Variants in MGAT5 observed in about 807,000 individuals in gnomAD.
The protein encoded by MGAT5 is alpha-1,6-mannosylglycoprotein 6-beta-N-acetylglucosaminyltransferase A.
A neutral mutation model predicts 94.3 loss-of-function variants in MGAT5; 30 were observed. That is an observed-to-expected ratio of 0.32 (90% CI 0.24 to 0.43). The LOEUF (loss-of-function observed/expected upper bound fraction) is 0.43, where lower values mean the gene tolerates loss of function less well. Among genes scored for constraint, MGAT5 ranks in the 20% least tolerant of loss-of-function variants. The pLI is 1.00. For missense variants in MGAT5, 691 were observed against 905.5 expected (o/e 0.76, Z 3.04); for synonymous variants, 310 against 322.9 (o/e 0.96, Z 0.43).
At chr2:134,161,531 G>A (rs79047449) in intron 1 of MGAT5, among the ~76,000 whole-genome samples, 2,653 of 152,262 alleles carry the variant, frequency 0.017, 31 homozygotes, top group Middle Eastern at 0.027. Flanking sequence ...AGCCTGGGCC[G>A]CTAGGAAGAG....
chr2:134,147,998 G>A (rs75916399), intron 1 of MGAT5, among the ~76,000 whole-genome samples: 3,630 of 152,302 alleles, frequency 0.024, 145 homozygotes, highest in African/African-American at 0.083. Context: ...CTTAAAAATG[G>A]TGGTACAGAA....
chr2:134,305,311 G>A (rs1363294685), intron 2 of MGAT5, among the ~76,000 whole-genome samples: 1 of 152,164 alleles, frequency 6.6e-6, no homozygotes, highest in African/African-American at 2.4e-5. Flanking sequence ...CTTCCGCCTT[G>A]CCTCTAGATG....
intron 1 of MGAT5, among the ~76,000 whole-genome samples, chr2:134,155,152 T>C (rs1309595671): frequency 5.3e-5 from 8 of 152,192 alleles, no homozygotes; most frequent in Non-Finnish European, 1.2e-4. Flanking sequence ...AAACAGTCCC[T>C]AGGAGAGTGC....
At chr2:134,172,600 A>G (rs1034375246) in intron 1 of MGAT5, among the ~76,000 whole-genome samples, 1 of 152,042 alleles carries the variant, frequency 6.6e-6, no homozygotes, top group Non-Finnish European at 1.5e-5. Flanking sequence ...GTTAGCCAGG[A>G]TGGTCTCGAT....
chr2:134,299,829 C>T (rs1318468535), intron 2 of MGAT5, among the ~76,000 whole-genome samples: 2 of 152,152 alleles, frequency 1.3e-5, no homozygotes, highest in Non-Finnish European at 2.9e-5. Flanking sequence ...CTGTAGCAAA[C>T]ACCCACCCTT....
chr2:134,143,296 T>G (rs1686746373), intron 1 of MGAT5, among the ~76,000 whole-genome samples: 2 of 152,230 alleles, frequency 1.3e-5, no homozygotes, highest in Admixed American at 1.3e-4. Context: ...ACATACTCAA[T>G]GCCGCTAAGT....
intron 4 of MGAT5, among the ~76,000 whole-genome samples, chr2:134,330,581 G>GTGTGTGTGTGTA (rs56795876): frequency 1.1e-4 from 15 of 137,190 alleles, no homozygotes; most frequent in Admixed American, 3.7e-4. Flanking sequence ...GTGTGTGTGT[G>GTGTGTGTGTGTA]TGTTACGAAG....
chr2:134,313,180 C>T (rs1000049023), intron 2 of MGAT5, among the ~76,000 whole-genome samples: 6 of 152,102 alleles, frequency 3.9e-5, no homozygotes, highest in Admixed American at 2.0e-4. Flanking sequence ...ACGTCTCTCT[C>T]GATACGTGTG....
intron 1 of MGAT5, among the ~76,000 whole-genome samples, chr2:134,144,598 A>G (rs1176702006): frequency 6.6e-6 from 1 of 152,198 alleles, no homozygotes; most frequent in Admixed American, 6.5e-5. Context: ...GCTCAGTATA[A>G]TCCTTTGGGG....
chr2:134,422,742 C>CAT, intron 12 of MGAT5, 61 bp from the exon 13 acceptor site: 1 of 1,242,078 alleles, frequency 8.1e-7, no homozygotes, highest in South Asian at 1.2e-5. Flanking sequence ...CATAGCACTC[C>CAT]ATCTAGCACA....
intron 10 of MGAT5, among the ~76,000 whole-genome samples, chr2:134,383,644 C>T (rs1196989373): frequency 6.6e-6 from 1 of 151,994 alleles, no homozygotes; most frequent in African/African-American, 2.4e-5. Context: ...AGCTCTAAAT[C>T]AGTAGTTCAC....
intron 11 of MGAT5, among the ~76,000 whole-genome samples, chr2:134,408,343 A>T (rs1683460311): frequency 6.6e-6 from 1 of 152,218 alleles, no homozygotes; most frequent in Non-Finnish European, 1.5e-5. Flanking sequence ...ATAAATTTAC[A>T]ATGTGAATTG....
At chr2:134,353,700 C>T (rs1003721351) in intron 9 of MGAT5, among the ~76,000 whole-genome samples, 20 of 152,224 alleles carry the variant, frequency 1.3e-4, no homozygotes, top group African/African-American at 4.8e-4. Flanking sequence ...CGTTATAAAA[C>T]TCCTGATGAG....
intron 1 of MGAT5, among the ~76,000 whole-genome samples, chr2:134,269,317 A>T (rs1683889344): frequency 6.6e-6 from 1 of 152,146 alleles, no homozygotes; most frequent in African/African-American, 2.4e-5. Flanking sequence ...TCATGGCCAG[A>T]TTACCGCATC....
chr2:134,276,668 G>A (rs1490746949), intron 2 of MGAT5, among the ~76,000 whole-genome samples: 1 of 152,158 alleles, frequency 6.6e-6, no homozygotes, highest in Admixed American at 6.5e-5. Flanking sequence ...TCCCTGGGCC[G>A]TGGCAGTTGA....
At position 134,144,384 on chromosome 2, in the gene MGAT5, C is replaced by T. The variant is rs1686809208; in HGVS notation, c.-143+24093C>T. ...GCGGGAGGTGCTACATGCTTTTAAA[C>T]AACAATATCTCACAATAACTTACTC... On this transcript the variant is annotated intron_variant, in intron 1 of 16. Transcript: ENST00000409645. Among the ~76,000 whole-genome samples, 5 of 152,084 alleles carry T rather than the reference C, an allele frequency of 3.3e-5. No homozygotes were observed. In the South Asian group the frequency reaches 6.2e-4, roughly 19 times the overall value.
intron 3 of MGAT5, 103 bp from the exon 4 acceptor site, chr2:134,318,547 T>C: frequency 1.2e-6 from 1 of 861,734 alleles, no homozygotes; most frequent in Non-Finnish European, 1.9e-6. Context: ...AGGCCACAGC[T>C]TGAGCCATTC....
At chr2:134,175,307 C>T (rs1051831304) in intron 1 of MGAT5, among the ~76,000 whole-genome samples, 1 of 152,218 alleles carries the variant, frequency 6.6e-6, no homozygotes, top group African/African-American at 2.4e-5. Flanking sequence ...TATTCCCTGC[C>T]TTTCTGATCT....
chr2:134,136,341 C>A (rs1056358841), intron 1 of MGAT5, among the ~76,000 whole-genome samples: 1 of 152,046 alleles, frequency 6.6e-6, no homozygotes, highest in Non-Finnish European at 1.5e-5. Context: ...CCGAGGTGGG[C>A]GGACCACTTG....
Sources: gnomAD v4.1 joint callset for allele counts (sites outside exome capture counted in the v4.1 genomes callset) on GRCh38, gnomAD v4.1.1 for gene constraint, MANE v1.5 for transcripts, NCBI Gene and HGNC (gene_info 2026-07-23, HGNC 2026-07-21) for gene names.